The following NID2 variants were observed in gnomAD, a reference collection of about 807,000 sequenced individuals.
NID2 encodes the protein nidogen-2.
In NID2, 83 loss-of-function variants were observed where a neutral mutation model predicts 145.4. The observed-to-expected ratio is 0.57, with a 90% confidence interval of 0.48 to 0.69. The LOEUF is 0.69. Ranked by LOEUF, NID2 falls within the 30% of genes least tolerant of loss-of-function variation. The pLI, the probability that NID2 is intolerant of heterozygous loss-of-function variation, is 0.00. For synonymous variants in NID2, 739 were observed against 701.3 expected (o/e 1.05, Z -0.85); for missense variants, 1,807 against 1,765.7 (o/e 1.02, Z -0.42).
chr14:52,024,229 G>C (rs1891501196), intron 12 of NID2, among the ~76,000 whole-genome samples: 1 of 152,172 alleles, frequency 6.6e-6, no homozygotes. Flanking sequence ...TCATGGTCTT[G>C]TGTAATCCCC....
At chr14:52,009,593 T>C (rs960251507) in intron 18 of NID2, 1 of 152,234 alleles carries the variant, frequency 6.6e-6, no homozygotes, top group Non-Finnish European at 1.5e-5. Flanking sequence ...ATGGCTGTGA[T>C]GTGGATTTCA....
chr14:52,053,132 G>A (rs918800441), intron 5 of NID2, among the ~76,000 whole-genome samples: 5 of 152,174 alleles, frequency 3.3e-5, no homozygotes, highest in African/African-American at 4.8e-5. Flanking sequence ...GAAGCGCTAG[G>A]CTTGTCTCAC....
intron 3 of NID2, among the ~76,000 whole-genome samples, chr14:52,059,437 C>T (rs1021592652): frequency 6.6e-5 from 10 of 152,166 alleles, no homozygotes; most frequent in Admixed American, 3.3e-4. Context: ...GCACCCCTAC[C>T]TCCCCTCACA....
chr14:52,025,560 A>G (rs561464585), intron 12 of NID2, among the ~76,000 whole-genome samples: 1 of 152,326 alleles, frequency 6.6e-6, no homozygotes, highest in South Asian at 2.1e-4. Flanking sequence ...TATTTCTTAT[A>G]GTTCTAAAGG....
chr14:52,028,278 T>TTTTG (rs1369222240), intron 11 of NID2, among the ~76,000 whole-genome samples: 25 of 31,964 alleles, frequency 7.8e-4, no homozygotes, highest in East Asian at 2.5e-3. Flanking sequence ...TTGTTGTTTT[T>TTTTG]TTTTTTGTTT....
intron 9 of NID2, among the ~76,000 whole-genome samples, chr14:52,031,237 C>T (rs533893395): frequency 9.2e-5 from 14 of 152,274 alleles, no homozygotes; most frequent in Admixed American, 9.2e-4. Flanking sequence ...ACTTCTGAGT[C>T]TGCCATGTAA....
chr14:52,048,868 G>C (rs1248762471), intron 5 of NID2, among the ~76,000 whole-genome samples: 1 of 152,206 alleles, frequency 6.6e-6, no homozygotes, highest in African/African-American at 2.4e-5. Context: ...TTCTGGTTCA[G>C]AAGGTAGAGG....
chr14:52,066,927 G>C (rs1184350157), intron 2 of NID2, among the ~76,000 whole-genome samples: 1 of 152,134 alleles, frequency 6.6e-6, no homozygotes, highest in African/African-American at 2.4e-5. Flanking sequence ...AAGACCAGGA[G>C]CCTGGAATTT....
At chr14:52,047,154 A>G (rs1256455407) in intron 5 of NID2, among the ~76,000 whole-genome samples, 1 of 152,220 alleles carries the variant, frequency 6.6e-6, no homozygotes, top group East Asian at 1.9e-4. Context: ...CACATCCTGA[A>G]GCTTACATTC....
intron 11 of NID2, 59 bp downstream of exon 11, chr14:52,028,663 A>T (rs1891683957): frequency 1.3e-6 from 2 of 1,576,174 alleles, no homozygotes; most frequent in Non-Finnish European, 1.7e-6. Flanking sequence ...CTGACAGATT[A>T]AAGAGCAAGA....
intron 12 of NID2, among the ~76,000 whole-genome samples, chr14:52,023,584 T>C (rs550443625): frequency 6.6e-6 from 1 of 152,300 alleles, no homozygotes; most frequent in South Asian, 2.1e-4. Flanking sequence ...TAATGGGCCA[T>C]CTGTAACCCA....
chr14:52,029,149 A>G (rs1468956416), intron 10 of NID2, among the ~76,000 whole-genome samples: 1 of 152,218 alleles, frequency 6.6e-6, no homozygotes, highest in East Asian at 1.9e-4. Context: ...TTTTTTTAAT[A>G]TCAAGAAATT....
intron 12 of NID2, among the ~76,000 whole-genome samples, chr14:52,025,945 C>A (rs1566751839): frequency 1.3e-5 from 2 of 152,236 alleles, no homozygotes; most frequent in African/African-American, 4.8e-5. Context: ...AAGGGCTGAA[C>A]TGAGCCACGG....
intron 9 of NID2, among the ~76,000 whole-genome samples, chr14:52,035,856 G>GA (rs1892043429): frequency 1.5e-5 from 1 of 65,284 alleles, no homozygotes; most frequent in African/African-American, 4.7e-5. Flanking sequence ...ATTTTTTTGT[G>GA]TATATATATA....
chr14:52,055,518 A>G (rs928860892), intron 3 of NID2, among the ~76,000 whole-genome samples: 1 of 152,192 alleles, frequency 6.6e-6, no homozygotes, highest in Admixed American at 6.5e-5. Flanking sequence ...ACTTCTGGAA[A>G]CAGCTCTCTC....
At position 52,030,577 on chromosome 14, in the gene NID2, G is replaced by GGAAA. The variant is rs59292241; in HGVS notation, c.2258-891_2258-888dup. 1.3e-3 allele frequency among the ~76,000 whole-genome samples: 118 copies of GGAAA among 92,956 alleles called. 3 individuals are homozygous for GGAAA. Among genetic ancestry groups the GGAAA allele is most frequent in the African/African-American group, 4.2e-3 (107 of 25,418 alleles). 61.0% of individuals were successfully genotyped at this position (92,956 alleles called of 152,430 possible). A position where few individuals can be genotyped will look rare whatever the true frequency, so the allele number is the denominator to read the frequency against. ...GAAAGAAAGAAAGAAAGGAAGGAAG[G>GGAAA]GAAAGAAAGAAAGAAAGAAAGAAAG... On this transcript the variant is annotated intron_variant, in intron 9 of 21. Coordinates refer to ENST00000216286, the MANE Select transcript of NID2 (RefSeq NM_007361.4).
intron 9 of NID2, among the ~76,000 whole-genome samples, chr14:52,038,333 T>C (rs1892148312): frequency 6.6e-6 from 1 of 152,244 alleles, no homozygotes; most frequent in African/African-American, 2.4e-5. Context: ...TCATCTGTTT[T>C]AGCTAAAATG....
chr14:52,007,109 A>C (rs1890815953), intron 19 of NID2: 1 of 154,820 alleles, frequency 6.5e-6, no homozygotes, highest in Non-Finnish European at 1.4e-5. Context: ...CATAACTCAT[A>C]TTTCAATGTA....
chr14:52,013,640 C>A (rs546312569), intron 16 of NID2, among the ~76,000 whole-genome samples: 6 of 152,140 alleles, frequency 3.9e-5, no homozygotes, highest in African/African-American at 1.4e-4. Flanking sequence ...TGAGAAAACC[C>A]GCTCCCCAAA....
Sources: gnomAD v4.1 joint callset for allele counts (sites outside exome capture counted in the v4.1 genomes callset) on GRCh38, gnomAD v4.1.1 for gene constraint, MANE v1.5 for transcripts, NCBI Gene and HGNC (gene_info 2026-07-23, HGNC 2026-07-21) for gene names.